The following DNAJC15 variants were observed in gnomAD, a reference collection of about 807,000 sequenced individuals.
The protein encoded by DNAJC15 is dnaJ homolog subfamily C member 15.
A neutral mutation model predicts 22.4 loss-of-function variants in DNAJC15; 27 were observed. The observed-to-expected ratio is 1.20, with a 90% CI of 0.89 to 1.66. The LOEUF (loss-of-function observed/expected upper bound fraction) is 1.66. Ranked by LOEUF, DNAJC15 falls within the 40% of genes most tolerant of loss-of-function variation. DNAJC15 has a pLI of 0.00. For missense variants in DNAJC15, 208 were observed against 187.1 expected (o/e 1.11, Z -0.65); for synonymous variants, 79 against 63.2 (o/e 1.25, Z -1.19).
intron 2 of DNAJC15, among the ~76,000 whole-genome samples, chr13:43,066,668 G>A (rs2153440878): frequency 6.6e-6 from 1 of 152,246 alleles, no homozygotes; most frequent in East Asian, 1.9e-4. Flanking sequence ...CTCTGCCCAG[G>A]CTGGAGTGCA....
rs150238385 is a variant in DNAJC15, at chr13:43,095,885, C to T, written c.382+10047C>T. Among the ~76,000 whole-genome samples the T allele has an allele frequency of 7.1e-3, 1,082 of 151,966 alleles. 3 individuals are homozygous for T. The highest frequency in any genetic ancestry group is 0.012 in the Non-Finnish European group (841 of 67,952). ...TGCAGGGCTAAGGAATGAAAAGATG[C>T]GGAAGTTGAGTTAGCTTATATACAC... On this transcript the variant is annotated intron_variant, in intron 5 of 5. Coordinates refer to ENST00000379221, the MANE Select transcript of DNAJC15 (RefSeq NM_013238.3).
chr13:43,069,121 C>T (rs1200900875), intron 3 of DNAJC15, 118 bp downstream of exon 3: 2 of 959,200 alleles, frequency 2.1e-6, no homozygotes, highest in Non-Finnish European at 3.0e-6. Context: ...TTGTTTCCTT[C>T]ACTATATCAT....
chr13:43,040,264 GT>G (rs2040447383), intron 1 of DNAJC15, among the ~76,000 whole-genome samples: 1 of 152,298 alleles, frequency 6.6e-6, no homozygotes, highest in African/African-American at 2.4e-5. Context: ...GCCTGCTGTA[GT>G]TCTTTCTTCC....
At chr13:43,062,022 A>AT (rs1344179752) in intron 1 of DNAJC15, among the ~76,000 whole-genome samples, 2 of 152,018 alleles carry the variant, frequency 1.3e-5, no homozygotes, top group African/African-American at 4.8e-5. Context: ...TGTAGTGATG[A>AT]TTTTATCAGT....
rs1385813229 is a variant in DNAJC15 at position 43,112,445 on chromosome 13, T to A, written c.*5197T>A. 6.6e-6 allele frequency: 1 copy of A among 152,152 alleles called. No homozygotes were observed. Among genetic ancestry groups the A allele is most frequent in the Non-Finnish European group, 1.5e-5 (1 of 68,036 alleles). 9.4% of individuals were successfully genotyped at this position (152,152 alleles called of 1,614,324 possible). A position where few individuals can be genotyped will look rare whatever the true frequency, so the allele number is the denominator to read the frequency against. Reference sequence around the variant, plus strand: ...GTTGGCCATAAATTTCAAATTAGTATCTCAACTTAGCAGGGGGGATCAACA... The same window carrying A: ...GTTGGCCATAAATTTCAAATTAGTAACTCAACTTAGCAGGGGGGATCAACA... On this transcript the variant is annotated 3_prime_UTR_variant, in exon 6 of 6. Transcript: ENST00000379221.
intron 5 of DNAJC15, among the ~76,000 whole-genome samples, chr13:43,096,873 A>G (rs1439950800): frequency 2.0e-5 from 3 of 152,212 alleles, no homozygotes; most frequent in Admixed American, 6.5e-5. Context: ...GAGTCCACCA[A>G]GTGAAGAAGA....
rs1333354499 is a variant in DNAJC15 at position 43,110,451 on chromosome 13, A to C, written c.*3203A>C. The C allele has an allele frequency of 6.6e-6, 1 of 152,230 alleles. No homozygotes were observed. The highest frequency in any genetic ancestry group is 6.5e-5 in the Admixed American group (1 of 15,282). 9.4% of individuals were successfully genotyped at this position (152,230 alleles called of 1,614,324 possible). A position where few individuals can be genotyped will look rare whatever the true frequency, so the allele number is the denominator to read the frequency against. On this transcript the variant is annotated 3_prime_UTR_variant, in exon 6 of 6. Transcript: ENST00000379221. ...GCTCATCTTTAATATGCAGCAGGAC[A>C]GGTTTGGGATTTTTTTTCCCCCTTG... is the stretch of plus-strand genomic sequence containing the variant.
intron 5 of DNAJC15, among the ~76,000 whole-genome samples, chr13:43,099,782 AATTCTTTTTATATGTTTATAT>A (rs144285042): frequency 0.017 from 2,524 of 152,086 alleles, 78 homozygotes; most frequent in East Asian, 0.1. Context: ...TGTGGTTTAT[AATTCTTTTTATATGTTTATAT>A]ATTCTTTTTA....
Position 43,053,447 on chromosome 13 carries a change from G to A in DNAJC15, c.109-12239G>A, listed in dbSNP as rs574564096. On this transcript the variant is annotated intron_variant, in intron 1 of 5. Coordinates refer to ENST00000379221, the MANE Select transcript of DNAJC15 (RefSeq NM_013238.3). ...TTTTTCTAGCTCTGTAAATGATGAT[G>A]CTCGTATTTTGATGGGAATTGCATT... is the stretch of plus-strand genomic sequence containing the variant. Among the ~76,000 whole-genome samples, 106 of 152,114 alleles carry A rather than the reference G, an allele frequency of 7.0e-4. 1 individual carries two copies. Among genetic ancestry groups the A allele is most frequent in the African/African-American group, 2.5e-3 (102 of 41,518 alleles).
intron 2 of DNAJC15, among the ~76,000 whole-genome samples, chr13:43,066,438 C>T (rs1370204259): frequency 6.6e-6 from 1 of 152,106 alleles, no homozygotes; most frequent in East Asian, 1.9e-4. Flanking sequence ...TCTCCTCCTT[C>T]TCTCTTAAAA....
chr13:43,077,378 G>C (rs781085154), intron 3 of DNAJC15, among the ~76,000 whole-genome samples: 9 of 152,184 alleles, frequency 5.9e-5, no homozygotes, highest in Non-Finnish European at 1.2e-4. Flanking sequence ...GAAAGAAAGG[G>C]AAGGACAAGT....
chr13:43,060,769 C>T (rs995248743), intron 1 of DNAJC15, among the ~76,000 whole-genome samples: 1 of 152,068 alleles, frequency 6.6e-6, no homozygotes, highest in Non-Finnish European at 1.5e-5. Flanking sequence ...TAATAAAGGC[C>T]GGTCTGTTAT....
In DNAJC15 at chr13:43,108,580, G is replaced by T. The variant is rs1802624103; in HGVS notation, c.*1332G>T. On this transcript the variant is annotated 3_prime_UTR_variant, in exon 6 of 6. Coordinates refer to ENST00000379221, the MANE Select transcript of DNAJC15 (RefSeq NM_013238.3). Reference sequence around the variant, plus strand: ...TGCATCTTTCAACTTCTAACATTCTGTAGTTTAGGAGTTCTCAACCTTGGC... The same window carrying T: ...TGCATCTTTCAACTTCTAACATTCTTTAGTTTAGGAGTTCTCAACCTTGGC... The T allele has an allele frequency of 6.6e-6, 1 of 152,100 alleles. No homozygotes were observed. The highest frequency in any genetic ancestry group is 1.5e-5 in the Non-Finnish European group (1 of 68,008). 9.4% of individuals were successfully genotyped at this position (152,100 alleles called of 1,614,324 possible). A position where few individuals can be genotyped will look rare whatever the true frequency, so the allele number is the denominator to read the frequency against.
chr13:43,083,134 A>G (rs2040671041), intron 4 of DNAJC15, among the ~76,000 whole-genome samples: 1 of 152,030 alleles, frequency 6.6e-6, no homozygotes, highest in South Asian at 2.1e-4. Context: ...TGTAAAATGC[A>G]TTAAGCACTT....
chr13:43,101,666 T>A (rs1284390205), intron 5 of DNAJC15, among the ~76,000 whole-genome samples: 2 of 152,220 alleles, frequency 1.3e-5, no homozygotes, highest in African/African-American at 4.8e-5. Context: ...CTTTCACTTA[T>A]AAGTGAGAAT....
chr13:43,057,211 T>C (rs750877722), intron 1 of DNAJC15, among the ~76,000 whole-genome samples: 8 of 152,236 alleles, frequency 5.3e-5, no homozygotes, highest in African/African-American at 9.6e-5. Context: ...TCTAAACTTT[T>C]AGATTTCCCT....
intron 1 of DNAJC15, among the ~76,000 whole-genome samples, chr13:43,064,492 T>G (rs530947557): frequency 1.3e-5 from 2 of 152,192 alleles, no homozygotes; most frequent in Admixed American, 6.5e-5. Flanking sequence ...TTTAAAAGTC[T>G]CTGCCGACTC....
intron 1 of DNAJC15, among the ~76,000 whole-genome samples, chr13:43,025,292 C>T (rs2040375717): frequency 1.3e-5 from 2 of 152,122 alleles, no homozygotes; most frequent in African/African-American, 4.8e-5. Flanking sequence ...ATCCGAGTAT[C>T]AGGCTTTCAA....
intron 1 of DNAJC15, among the ~76,000 whole-genome samples, chr13:43,059,642 CAA>C (rs1179438963): frequency 2.6e-5 from 4 of 152,236 alleles, no homozygotes; most frequent in Non-Finnish European, 5.9e-5. Context: ...GGAATCCCCT[CAA>C]ATTGTATACA....
Sources: allele counts gnomAD v4.1 joint callset (sites outside exome capture counted in the v4.1 genomes callset), GRCh38; gene constraint gnomAD v4.1.1; transcripts MANE v1.5; gene names NCBI Gene and HGNC (gene_info 2026-07-23, HGNC 2026-07-21).